Variants in PDE10A observed in about 807,000 individuals in gnomAD.
PDE10A encodes cAMP and cAMP-inhibited cGMP 3',5'-cyclic phosphodiesterase 10A.
A neutral mutation model predicts 97.7 loss-of-function variants in PDE10A; 39 were observed. The ratio of observed to expected loss-of-function variants is 0.40; its 90% CI spans 0.31 to 0.52. The LOEUF is 0.52. Ranked by LOEUF, PDE10A falls within the 20% of genes least tolerant of loss-of-function variation. The pLI is 0.56. For missense variants in PDE10A, 731 were observed against 1,047.8 expected (o/e 0.70, Z 4.17); for synonymous variants, 371 against 376.8 (o/e 0.98, Z 0.18).
chr6:165,854,427 A>G (rs926569625), intron 1 of PDE10A, among the ~76,000 whole-genome samples: 3 of 152,132 alleles, frequency 2.0e-5, no homozygotes, highest in Non-Finnish European at 4.4e-5. Flanking sequence ...TGCTGCTGTG[A>G]GCCGCAAGAC....
At chr6:165,495,937 T>G (rs1465391977) in intron 2 of PDE10A, among the ~76,000 whole-genome samples, 1 of 152,138 alleles carries the variant, frequency 6.6e-6, no homozygotes, top group African/African-American at 2.4e-5. Context: ...GTCAATAAAC[T>G]TGATAAATAA....
At position 165,545,724 on chromosome 6, in the gene PDE10A, C is replaced by G. The variant is rs997928602; in HGVS notation, c.866-2156G>C. Among the ~76,000 whole-genome samples the G allele has an allele frequency of 7.2e-5, 11 of 151,882 alleles. 1 individual carries two copies. The highest frequency in any genetic ancestry group is 2.7e-4 in the African/African-American group (11 of 41,376). On this transcript the variant is annotated intron_variant, in intron 1 of 21. Transcript: ENST00000539869. ...ACAAAAATGAGATTCTATTACACACCTATTAGAATGGCTAAAATTAAAAAA... is the reference window on the plus strand; with the variant it reads ...ACAAAAATGAGATTCTATTACACACGTATTAGAATGGCTAAAATTAAAAAA...
At chr6:165,886,307 G>C (rs1781631459) in intron 1 of PDE10A, among the ~76,000 whole-genome samples, 1 of 150,874 alleles carries the variant, frequency 6.6e-6, no homozygotes, top group East Asian at 1.9e-4. Context: ...CTGGAGCCCT[G>C]GACCCCTGGA....
At position 165,388,510 on chromosome 6, in the gene PDE10A, A is replaced by G; in HGVS notation, c.2455-57T>C. On this transcript the variant is annotated intron_variant, in intron 16 of 21. Coordinates refer to ENST00000539869, the MANE Select transcript of PDE10A (RefSeq NM_001385079.1). This position sits in a 1 kb window ranked among gnomAD's most constrained non-coding sequence, Gnocchi z 4.0. ...AAAACACAGAAACACACATGAGCAG[A>G]CTTACCGCTTACATTCATGTCACAT... 1 of 1,488,632 alleles carries G rather than the reference A, an allele frequency of 6.7e-7. No homozygotes were observed. Among genetic ancestry groups the G allele is most frequent in the Non-Finnish European group, 9.3e-7 (1 of 1,070,222 alleles). 92.2% of individuals were successfully genotyped at this position (1,488,632 alleles called of 1,614,324 possible).
intron 2 of PDE10A, among the ~76,000 whole-genome samples, chr6:165,501,755 G>C (rs541336164): frequency 6.6e-6 from 1 of 152,182 alleles, no homozygotes; most frequent in Non-Finnish European, 1.5e-5. Context: ...AGTAAATACA[G>C]GCAATTCAAA....
intron 1 of PDE10A, among the ~76,000 whole-genome samples, chr6:165,730,294 T>C (rs2128450813): frequency 6.6e-6 from 1 of 152,286 alleles, no homozygotes; most frequent in Admixed American, 6.5e-5. Context: ...TACTGAGAGT[T>C]CAACTTATTC....
chr6:165,428,165 C>T (rs553381551), intron 10 of PDE10A, among the ~76,000 whole-genome samples: 1 of 152,230 alleles, frequency 6.6e-6, no homozygotes, highest in South Asian at 2.1e-4. Context: ...TACATTCTGA[C>T]AACTAGAAGC....
intron 1 of PDE10A, among the ~76,000 whole-genome samples, chr6:165,904,062 G>A (rs1053285702): frequency 1.3e-5 from 2 of 152,216 alleles, no homozygotes; most frequent in Admixed American, 6.5e-5. Flanking sequence ...GGGAACAGAG[G>A]AGTAGGGCAG....
chr6:165,656,407 C>CA (rs1243195469), intron 1 of PDE10A, among the ~76,000 whole-genome samples: 1 of 151,728 alleles, frequency 6.6e-6, no homozygotes, highest in African/African-American at 2.4e-5. Context: ...CCCGACCATT[C>CA]ATGTGCATGG....
chr6:165,576,736 T>C (rs566954640), intron 1 of PDE10A, among the ~76,000 whole-genome samples: 4 of 152,260 alleles, frequency 2.6e-5, no homozygotes, highest in African/African-American at 9.6e-5. Flanking sequence ...CACCCTCTTC[T>C]TCAGTCCCTA....
intron 5 of PDE10A, 52 bp from the exon 6 acceptor site, chr6:165,435,429 C>A (rs928292278): frequency 6.8e-7 from 1 of 1,463,008 alleles, no homozygotes; most frequent in Non-Finnish European, 9.3e-7. Flanking sequence ...GTGCATAGTA[C>A]AAAAAGACAC....
rs531982915 is a variant in PDE10A, at chr6:165,832,718, A to G, written c.-615+154811T>C. 8.3e-4 allele frequency among the ~76,000 whole-genome samples: 127 copies of G among 152,370 alleles called. 1 individual carries two copies. The South Asian group carries it at 0.025, about 31-fold the overall frequency. On this transcript the variant is annotated intron_variant, in intron 1 of 19. Coordinates refer to the PDE10A transcript ENST00000366882. ...CAAAGTTTTAAAAATGTCACTGGCA[A>G]TGACTGATACACTTAATTCTGGTTA...
intron 1 of PDE10A, among the ~76,000 whole-genome samples, chr6:165,606,671 G>C (rs747149765): frequency 1.3e-5 from 2 of 152,086 alleles, no homozygotes; most frequent in African/African-American, 2.4e-5. Context: ...CTTAAGAGGA[G>C]GTAAGTGTAC....
intron 1 of PDE10A, among the ~76,000 whole-genome samples, chr6:165,687,995 G>A (rs1791168332): frequency 6.6e-6 from 1 of 152,164 alleles, no homozygotes; most frequent in Non-Finnish European, 1.5e-5. Flanking sequence ...GTGACTCCAC[G>A]GCTCACGCCC....
chr6:165,683,138 C>T (rs968133940), intron 1 of PDE10A, among the ~76,000 whole-genome samples: 3 of 152,164 alleles, frequency 2.0e-5, no homozygotes, highest in Non-Finnish European at 2.9e-5. Flanking sequence ...GGAAAGAAGA[C>T]TGAAGAGGGA....
intron 1 of PDE10A, among the ~76,000 whole-genome samples, chr6:165,590,098 T>A (rs953572211): frequency 4.6e-5 from 7 of 152,222 alleles, no homozygotes; most frequent in African/African-American, 1.7e-4. Flanking sequence ...ACATCTGAGG[T>A]TGAGGAAAGT....
chr6:165,853,551 T>C (rs1780630438), intron 1 of PDE10A, among the ~76,000 whole-genome samples: 2 of 152,236 alleles, frequency 1.3e-5, no homozygotes, highest in African/African-American at 4.8e-5. Context: ...AGTGAGTTCA[T>C]ATACGTATCC....
intron 2 of PDE10A, among the ~76,000 whole-genome samples, chr6:165,523,547 G>A (rs1322750973): frequency 6.6e-6 from 1 of 152,132 alleles, no homozygotes; most frequent in African/African-American, 2.4e-5. Flanking sequence ...AAATGAGGCT[G>A]TATTAACTGG....
chr6:165,793,715 A>G (rs1447136371), intron 1 of PDE10A, among the ~76,000 whole-genome samples: 1 of 152,226 alleles, frequency 6.6e-6, no homozygotes, highest in Non-Finnish European at 1.5e-5. Flanking sequence ...GCACTTAGAT[A>G]AACACACAGG....
Sources: allele counts gnomAD v4.1 joint callset (sites outside exome capture counted in the v4.1 genomes callset), GRCh38; gene constraint gnomAD v4.1.1; non-coding constraint Gnocchi (gnomAD v3.1); transcripts MANE v1.5; gene names NCBI Gene and HGNC (gene_info 2026-07-23, HGNC 2026-07-21).